The following KCNQ1 variants were observed in gnomAD, a reference collection of about 807,000 sequenced individuals.
The protein encoded by KCNQ1 is potassium voltage-gated channel subfamily KQT member 1.
In KCNQ1, 49 loss-of-function variants were observed where a neutral mutation model predicts 72.4. The observed-to-expected ratio is 0.68, with a 90% confidence interval of 0.54 to 0.86. The LOEUF is 0.86. Ranked by LOEUF, KCNQ1 falls within the 40% of genes least tolerant of loss-of-function variation. KCNQ1 has a pLI of 0.00. For synonymous variants in KCNQ1, 450 were observed against 412.6 expected (o/e 1.09, Z -1.10); for missense variants, 790 against 945.1 (o/e 0.84, Z 2.15).
Position 2,536,127 on chromosome 11 carries a change from C to G in KCNQ1, c.477+8109C>G, listed in dbSNP as rs1241757820. On this transcript the variant is annotated intron_variant, in intron 2 of 15. Coordinates refer to ENST00000155840, the MANE Select transcript of KCNQ1 (RefSeq NM_000218.3). The surrounding 1 kb of genome is among the most constrained non-coding windows in gnomAD (Gnocchi z 7.4). ...ACAGGCCACGCGGCGACAGGGGCTG[C>G]TGAAGGAAGGCTGGTCCGCTCCCTG... is the stretch of plus-strand genomic sequence containing the variant. Among the ~76,000 whole-genome samples, 7 of 152,178 alleles carry G rather than the reference C, an allele frequency of 4.6e-5. No homozygotes were observed. The highest frequency in any genetic ancestry group is 5.9e-5 in the Non-Finnish European group (4 of 68,020).
rs536683102 is a variant in KCNQ1 at position 2,783,154 on chromosome 11, A to G, written c.1794+5117A>G. On this transcript the variant is annotated intron_variant, in intron 15 of 15. Transcript: ENST00000155840. This position sits in a 1 kb window ranked among gnomAD's most constrained non-coding sequence, Gnocchi z 5.2. ...CAAACTACATCTCCCACATTTTGATATATGGCATTTAATTTTAATCTTCAT... is the reference window on the plus strand; with the variant it reads ...CAAACTACATCTCCCACATTTTGATGTATGGCATTTAATTTTAATCTTCAT... Among the ~76,000 whole-genome samples the G allele has an allele frequency of 6.6e-6, 1 of 152,266 alleles. No individual in the cohort carries two copies. The highest frequency in any genetic ancestry group is 1.9e-4 in the East Asian group (1 of 5,192).
rs545760641 is a variant in KCNQ1 at position 2,512,550 on chromosome 11, G to T, written c.387-15378G>T. Among the ~76,000 whole-genome samples the T allele has an allele frequency of 4.6e-5, 7 of 152,334 alleles. No individual in the cohort carries two copies. In the South Asian group the frequency reaches 8.3e-4, roughly 18 times the overall value. ...GCCATGACCGCATGGGGCCAGCAGG[G>T]TGTGAGTTGAAGTGTCCCGCAGTGG... On this transcript the variant is annotated intron_variant, in intron 1 of 15. Coordinates refer to ENST00000155840, the MANE Select transcript of KCNQ1 (RefSeq NM_000218.3).
chr11:2,696,702 C>T, intron 11 of KCNQ1: 1 of 398,622 alleles, frequency 2.5e-6, no homozygotes, highest in Non-Finnish European at 4.4e-6. Context: ...TAAAATGTCT[C>T]TGCATATGGA....
chr11:2,549,413 C>T lies in KCNQ1; in HGVS notation c.478-21215C>T, dbSNP rs1031613607. ...TCTCCACACATCTGACCTTTGCCTG[C>T]TTTGGGGGCAGTTTGAGGCCTCAGA... On this transcript the variant is annotated intron_variant, in intron 2 of 15. Transcript: ENST00000155840. This position sits in a 1 kb window ranked among gnomAD's most constrained non-coding sequence, Gnocchi z 6.2. Among the ~76,000 whole-genome samples, 2 of 152,156 alleles carry T rather than the reference C, an allele frequency of 1.3e-5. No homozygotes were observed. Among genetic ancestry groups the T allele is most frequent in the Non-Finnish European group, 2.9e-5 (2 of 68,022 alleles).
chr11:2,729,101 C>T (rs1175371491), intron 11 of KCNQ1, among the ~76,000 whole-genome samples: 2 of 152,224 alleles, frequency 1.3e-5, no homozygotes, highest in South Asian at 2.1e-4. Context: ...GCACAAAGGG[C>T]GCTCGGGCCA....
At chr11:2,666,470 C>T (rs1214515796) in intron 11 of KCNQ1, 2 of 398,684 alleles carry the variant, frequency 5.0e-6, no homozygotes, top group Non-Finnish European at 8.8e-6. Flanking sequence ...TGCAGAATCT[C>T]ACGCCAAGAC....
At chr11:2,660,209 A>G (rs151214) in intron 10 of KCNQ1, 8,945 of 398,190 alleles carry the variant, frequency 0.022, 156 homozygotes, top group South Asian at 0.059. Context: ...GTAAGTTTGT[A>G]TGTAGTACCC....
At position 2,824,773 on chromosome 11, in the gene KCNQ1, T is replaced by C. The variant is rs1590112642; in HGVS notation, c.1795-22994T>C. ...CCGGGACAGCTTTGAGGAAGGAACG[T>C]CCCCTGGGTTCCACACCACAGAGCC... On this transcript the variant is annotated intron_variant, in intron 15 of 15. Coordinates refer to ENST00000155840, the MANE Select transcript of KCNQ1 (RefSeq NM_000218.3). This position sits in a 1 kb window ranked among gnomAD's most constrained non-coding sequence, Gnocchi z 5.9. Among the ~76,000 whole-genome samples, 1 of 143,594 alleles carries C rather than the reference T, an allele frequency of 7.0e-6. No homozygotes were observed. The highest frequency in any genetic ancestry group is 2.5e-5 in the African/African-American group (1 of 40,472). 94.2% of individuals were successfully genotyped at this position (143,594 alleles called of 152,430 possible). A position where few individuals can be genotyped will look rare whatever the true frequency, so the allele number is the denominator to read the frequency against.
At chr11:2,778,287 G>A (rs956185817) in intron 15 of KCNQ1, among the ~76,000 whole-genome samples, 1 of 152,226 alleles carries the variant, frequency 6.6e-6, no homozygotes, top group East Asian at 1.9e-4. Context: ...CGTCTTTACT[G>A]GCAGGTGGCA....
chr11:2,632,223 T>A, intron 10 of KCNQ1: 1 of 398,168 alleles, frequency 2.5e-6, no homozygotes, highest in Non-Finnish European at 4.4e-6. Flanking sequence ...CTGAATTTTG[T>A]GTACTGACTT....
chr11:2,558,740 G>T (rs2133704744), intron 2 of KCNQ1, among the ~76,000 whole-genome samples: 1 of 152,302 alleles, frequency 6.6e-6, no homozygotes, highest in Non-Finnish European at 1.5e-5. Context: ...TAAGGCACCG[G>T]CAGTACATGT....
At chr11:2,727,099 A>G (rs1360328748) in intron 11 of KCNQ1, among the ~76,000 whole-genome samples, 3 of 152,298 alleles carry the variant, frequency 2.0e-5, no homozygotes, top group East Asian at 3.9e-4. Context: ...GTCCTGTGAT[A>G]TATCTGCCCC....
intron 10 of KCNQ1, chr11:2,616,990 G>A (rs944676505): frequency 7.6e-6 from 3 of 397,108 alleles, no homozygotes; most frequent in African/African-American, 4.1e-5. Flanking sequence ...TTAAAAATAT[G>A]CATATTTAGT....
In KCNQ1 at chr11:2,661,760, A is replaced by G; in HGVS notation, c.1394-201A>G. The G allele has an allele frequency of 7.7e-6, 5 of 646,938 alleles. No individual in the cohort carries two copies. The highest frequency in any genetic ancestry group is 1.4e-5 in the Non-Finnish European group (5 of 360,230). The allele number at this position is 646,938 out of a possible 1,614,324, so 40.1% of individuals were successfully genotyped here. A position where few individuals can be genotyped will look rare whatever the true frequency, so the allele number is the denominator to read the frequency against. ...ATTCACTGGCCTTTATTCTCCTCAG[A>G]CACTGAGGTGTCAGGCACTTTGGGG... is the stretch of plus-strand genomic sequence containing the variant. On this transcript the variant is annotated intron_variant, in intron 10 of 15. Coordinates refer to ENST00000155840, the MANE Select transcript of KCNQ1 (RefSeq NM_000218.3). This position sits in a 1 kb window ranked among gnomAD's most constrained non-coding sequence, Gnocchi z 5.9.
rs559428117 is a variant in KCNQ1 at position 2,769,097 on chromosome 11, C to T, written c.1590+178C>T. On this transcript the variant is annotated intron_variant, in intron 12 of 15. Transcript: ENST00000155840. The surrounding 1 kb of genome is among the most constrained non-coding windows in gnomAD (Gnocchi z 4.6). ...AGTGCCTACCCCACCGAACCCCAGACAGCAGGCCCCTCAGAGGACCTATCC... is the reference window on the plus strand; with the variant it reads ...AGTGCCTACCCCACCGAACCCCAGATAGCAGGCCCCTCAGAGGACCTATCC... Among the ~76,000 whole-genome samples the T allele has an allele frequency of 6.6e-6, 1 of 152,248 alleles. No individual in the cohort carries two copies. The highest frequency in any genetic ancestry group is 1.9e-4 in the East Asian group (1 of 5,150).
At chr11:2,517,126 A>T (rs1847301136) in intron 1 of KCNQ1, among the ~76,000 whole-genome samples, 1 of 152,164 alleles carries the variant, frequency 6.6e-6, no homozygotes, top group South Asian at 2.1e-4. Flanking sequence ...TGAGATGGGA[A>T]TGAGCCCTTG....
chr11:2,629,937 G>A, intron 10 of KCNQ1: 1 of 398,322 alleles, frequency 2.5e-6, no homozygotes. Context: ...CAATTCCTCT[G>A]GCTAGGACTT....
chr11:2,461,398 CT>C, intron 1 of KCNQ1: 3 of 1,266,920 alleles, frequency 2.4e-6, no homozygotes, highest in Non-Finnish European at 3.1e-6. Flanking sequence ...GGAGATAAGC[CT>C]GCTGACTGGG....
rs142845681 is a variant in KCNQ1, at chr11:2,740,012, C to T, written c.1515-28832C>T. Among the ~76,000 whole-genome samples the T allele has an allele frequency of 2.0e-4, 31 of 152,352 alleles. 1 individual carries two copies. The highest frequency in any genetic ancestry group is 7.8e-4 in the Admixed American group (12 of 15,304). On this transcript the variant is annotated intron_variant, in intron 11 of 15. Coordinates refer to ENST00000155840, the MANE Select transcript of KCNQ1 (RefSeq NM_000218.3). The stretch of plus-strand genomic sequence containing the variant: ...AGAGCAGGCTCCTTGTGGAGCTGTG[C>T]GGAGCTGGCCGGCCTGGTCCCCGTG...
Sources: gnomAD v4.1 joint callset for allele counts (sites outside exome capture counted in the v4.1 genomes callset) on GRCh38, gnomAD v4.1.1 for gene constraint, Gnocchi (gnomAD v3.1) non-coding constraint, MANE v1.5 for transcripts, NCBI Gene and HGNC (gene_info 2026-07-23, HGNC 2026-07-21) for gene names.